BAHCC1: variants seen among roughly 807,000 people sequenced by gnomAD.
BAHCC1 encodes BAH domain and coiled-coil containing 1.
Under a neutral mutation model 88.2 loss-of-function variants are expected in BAHCC1, and 43 were observed. The observed-to-expected ratio is 0.49, with a 90% CI of 0.38 to 0.63. The LOEUF is 0.63. BAHCC1 is among the 20% of genes least tolerant of loss of function. The pLI is 0.00. For synonymous variants in BAHCC1, 1,510 were observed against 745.5 expected (o/e 2.03, Z -16.71); for missense variants, 3,023 against 1,654.8 (o/e 1.83, Z -14.34).
In BAHCC1 at chr17:81,399,937, G is replaced by C; in HGVS notation, c.178+20G>C. ...ACACAGGTCAGTGCTCGGCCGGGGCGGGCGCGGGACGGGAGCGTTCGAGAG... is the reference window on the plus strand; with the variant it reads ...ACACAGGTCAGTGCTCGGCCGGGGCCGGCGCGGGACGGGAGCGTTCGAGAG... On this transcript the variant is annotated intron_variant, in intron 2 of 27. Transcript: ENST00000675386. The surrounding 1 kb of genome is among the most constrained non-coding windows in gnomAD (Gnocchi z 4.5). 7.4e-7 allele frequency: 1 copy of C among 1,343,738 alleles called. No homozygotes were observed. The highest frequency in any genetic ancestry group is 9.6e-7 in the Non-Finnish European group (1 of 1,045,022). 83.2% of individuals were successfully genotyped at this position (1,343,738 alleles called of 1,614,324 possible).
chr17:81,427,815 G>A (rs1000042484), intron 3 of BAHCC1, among the ~76,000 whole-genome samples: 6 of 152,210 alleles, frequency 3.9e-5, no homozygotes, highest in Admixed American at 6.5e-5. Context: ...CAGCACTGCC[G>A]TAACTCAATG....
At chr17:81,406,957 C>T (rs911258149) in intron 2 of BAHCC1, 11 of 456,158 alleles carry the variant, frequency 2.4e-5, no homozygotes, top group Admixed American at 2.3e-4. Context: ...TTCATTCTGA[C>T]CTGCTGTGGC....
At chr17:81,430,225 C>A (rs2143433300) in intron 3 of BAHCC1, among the ~76,000 whole-genome samples, 1 of 152,166 alleles carries the variant, frequency 6.6e-6, no homozygotes, top group South Asian at 2.1e-4. Flanking sequence ...CCACCGCGCC[C>A]CCCAGCTGCC....
chr17:81,412,518 C>T (rs1007916389), intron 2 of BAHCC1, among the ~76,000 whole-genome samples: 5 of 152,154 alleles, frequency 3.3e-5, no homozygotes, highest in Admixed American at 6.5e-5. Flanking sequence ...AGGTGGGAGG[C>T]GGCTGGGGGT....
chr17:81,433,965 C>T (rs993413668), intron 3 of BAHCC1, among the ~76,000 whole-genome samples: 9 of 152,208 alleles, frequency 5.9e-5, no homozygotes, highest in African/African-American at 1.9e-4. Context: ...GGAGGCCAGG[C>T]TGAGCCTCGT....
chr17:81,425,411 TG>T (rs2064172821), intron 2 of BAHCC1, among the ~76,000 whole-genome samples: 1 of 85,998 alleles, frequency 1.2e-5, no homozygotes, highest in Admixed American at 1.2e-4. Flanking sequence ...GTGGGTGATG[TG>T]GTTGGTGGGT....
intron 13 of BAHCC1, among the ~76,000 whole-genome samples, chr17:81,452,480 C>G (rs1281100520): frequency 2.0e-5 from 3 of 151,680 alleles, no homozygotes; most frequent in Non-Finnish European, 4.4e-5. Flanking sequence ...GAGGGGACAC[C>G]CCGCAGTTGC....
intron 3 of BAHCC1, among the ~76,000 whole-genome samples, chr17:81,431,767 G>A (rs2064263807): frequency 6.6e-6 from 1 of 152,188 alleles, no homozygotes; most frequent in African/African-American, 2.4e-5. Context: ...GTGTGTGACT[G>A]AGAGCCTGTC....
chr17:81,422,725 G>A (rs2064129852), intron 2 of BAHCC1: 1 of 421,380 alleles, frequency 2.4e-6, no homozygotes, highest in Non-Finnish European at 4.7e-6. Flanking sequence ...AAGGTACAGG[G>A]TTCTCAGGCC....
chr17:81,425,108 GA>G (rs1555650132), intron 2 of BAHCC1, among the ~76,000 whole-genome samples: 4 of 148,988 alleles, frequency 2.7e-5, no homozygotes, highest in South Asian at 2.2e-4. Context: ...AGTGGTGGGT[GA>G]TGTGGTTGGG....
Position 81,399,122 on chromosome 17 carries a change from CGTGTGAGT to C in BAHCC1, c.-206-406_-206-399del, listed in dbSNP as rs1486614556. 1.3e-5 allele frequency: 2 copies of C among 155,194 alleles called. No individual in the cohort carries two copies. The highest frequency in any genetic ancestry group is 2.6e-5 in the Non-Finnish European group (2 of 76,108). 9.6% of individuals were successfully genotyped at this position (155,194 alleles called of 1,614,324 possible). A position where few individuals can be genotyped will look rare whatever the true frequency, so the allele number is the denominator to read the frequency against. On this transcript the variant is annotated intron_variant, in intron 1 of 27. Coordinates refer to ENST00000675386, the MANE Select transcript of BAHCC1 (RefSeq NM_001377448.1). The surrounding 1 kb of genome is among the most constrained non-coding windows in gnomAD (Gnocchi z 4.5). ...GCAGCGGGGGAGGGGAGAGGGTGTG[CGTGTGAGT>C]GTGTGTGTGTGTGTGTGTGTGTGCG...
At chr17:81,430,850 G>A (rs892114125) in intron 3 of BAHCC1, among the ~76,000 whole-genome samples, 32 of 151,922 alleles carry the variant, frequency 2.1e-4, no homozygotes, top group Non-Finnish European at 3.5e-4. Flanking sequence ...CAGCACTGAC[G>A]TTTCTACCAC....
In BAHCC1 at chr17:81,399,211, C is replaced by T. The variant is rs781811750; in HGVS notation, c.-206-323C>T. On this transcript the variant is annotated intron_variant, in intron 1 of 27. Coordinates refer to ENST00000675386, the MANE Select transcript of BAHCC1 (RefSeq NM_001377448.1). This position sits in a 1 kb window ranked among gnomAD's most constrained non-coding sequence, Gnocchi z 4.5. Reference sequence around the variant, plus strand: ...TTTTATCACCCAGCAGAGCCAGCAGCCTCTTCGCCGCGGCGCCCTAGCTGC... The same window carrying T: ...TTTTATCACCCAGCAGAGCCAGCAGTCTCTTCGCCGCGGCGCCCTAGCTGC... 5 of 425,572 alleles carry T rather than the reference C, an allele frequency of 1.2e-5. No individual in the cohort carries two copies. The highest frequency in any genetic ancestry group is 2.5e-5 in the Admixed American group (1 of 39,576). The allele number at this position is 425,572 out of a possible 1,614,324, so 26.4% of individuals were successfully genotyped here.
intron 2 of BAHCC1, among the ~76,000 whole-genome samples, chr17:81,408,489 G>C (rs1017774878): frequency 3.4e-5 from 5 of 149,044 alleles, no homozygotes; most frequent in East Asian, 4.0e-4. Flanking sequence ...GCCTACCCCT[G>C]CCTGGCCCTT....
chr17:81,408,053 T>C (rs2063902910), intron 2 of BAHCC1, among the ~76,000 whole-genome samples: 1 of 152,200 alleles, frequency 6.6e-6, no homozygotes. Context: ...CCTCTGTGGC[T>C]CAGCCTCCCT....
chr17:81,415,708 A>G (rs1321461943), intron 2 of BAHCC1: 2 of 362,610 alleles, frequency 5.5e-6, no homozygotes, highest in African/African-American at 2.2e-5. Flanking sequence ...CTCCCGGCCA[A>G]CATAGCCACC....
In BAHCC1 at chr17:81,463,991, C is replaced by T. The variant is rs926236199; in HGVS notation, c.*174C>T. The T allele has an allele frequency of 9.9e-6, 6 of 608,486 alleles. No homozygotes were observed. Among genetic ancestry groups the T allele is most frequent in the Admixed American group, 5.5e-5 (2 of 36,542 alleles). The allele number at this position is 608,486 out of a possible 1,614,324, so 37.7% of individuals were successfully genotyped here. ...TTCTTACGGTTTTCCCTGGAAAGAG[C>T]GCTCCAGGTGTCGGAATCCAGTCCC... On this transcript the variant is annotated 3_prime_UTR_variant, in exon 28 of 28. Transcript: ENST00000675386.
intron 2 of BAHCC1, among the ~76,000 whole-genome samples, chr17:81,412,548 G>A (rs1158579223): frequency 6.6e-6 from 1 of 152,200 alleles, no homozygotes; most frequent in African/African-American, 2.4e-5. Flanking sequence ...CTTGGGGCCC[G>A]TCGGCCAGGG....
chr17:81,410,956 C>CCT (rs2063942455), intron 2 of BAHCC1, among the ~76,000 whole-genome samples: 1 of 152,112 alleles, frequency 6.6e-6, no homozygotes, highest in Admixed American at 6.5e-5. Flanking sequence ...GGGTCTCAGA[C>CCT]CTCTCTAGGT....
Sources: gnomAD v4.1 joint callset for allele counts (sites outside exome capture counted in the v4.1 genomes callset) on GRCh38, gnomAD v4.1.1 for gene constraint, Gnocchi (gnomAD v3.1) non-coding constraint, MANE v1.5 for transcripts, NCBI Gene and HGNC (gene_info 2026-07-23, HGNC 2026-07-21) for gene names.